DNAH17: variants seen among roughly 807,000 people sequenced by gnomAD.
DNAH17 encodes axonemal beta dynein heavy chain 17.
A neutral mutation model predicts 485.6 loss-of-function variants in DNAH17; 376 were observed. The observed-to-expected ratio is 0.77, with a 90% CI of 0.71 to 0.84. The LOEUF (loss-of-function observed/expected upper bound fraction) is 0.84, where lower values mean the gene tolerates loss of function less well. DNAH17 is among the 40% of genes least tolerant of loss of function. The probability of loss-of-function intolerance (pLI) is 0.00; values close to 1 mark genes in which losing one functional copy is unlikely to be tolerated. For missense variants in DNAH17, 6,370 were observed against 5,839.3 expected (o/e 1.09, Z -2.96); for synonymous variants, 3,031 against 2,405.9 (o/e 1.26, Z -7.60).
At chr17:78,425,162 T>C in intron 80 of DNAH17, 184 bp downstream of exon 80, 1 of 609,566 alleles carries the variant, frequency 1.6e-6, no homozygotes, top group Non-Finnish European at 2.9e-6. Context: ...CCCTGAATCC[T>C]CTCAACCCTC....
chr17:78,525,339 C>T (rs1210985368), intron 24 of DNAH17, among the ~76,000 whole-genome samples, 178 bp from the exon 25 acceptor site: 1 of 152,226 alleles, frequency 6.6e-6, no homozygotes, highest in African/African-American at 2.4e-5. Flanking sequence ...CCCCCAAGGC[C>T]TCCTGGGTCC....
At chr17:78,567,994 C>T (rs919048235) in intron 9 of DNAH17, among the ~76,000 whole-genome samples, 2 of 152,164 alleles carry the variant, frequency 1.3e-5, no homozygotes, top group South Asian at 2.1e-4. Context: ...TGGTGCTATT[C>T]TCCCAGGTCC....
rs746824248 is a variant in DNAH17, at chr17:78,501,890, C to T, written c.5191-17G>A. 62 of 1,613,740 alleles carry T rather than the reference C, an allele frequency of 3.8e-5. No individual in the cohort carries two copies. The highest frequency in any genetic ancestry group is 4.9e-5 in the Non-Finnish European group (58 of 1,179,790). On this transcript the variant is annotated splice_polypyrimidine_tract_variant and intron_variant, in intron 33 of 80. Transcript: ENST00000389840. ...CTGGCTAATCTGCGGGGGAGAGTGCCTTCGATGAGACACCACGGGTGCCCA... is the reference window on the plus strand; with the variant it reads ...CTGGCTAATCTGCGGGGGAGAGTGCTTTCGATGAGACACCACGGGTGCCCA...
chr17:78,494,528 C>A, intron 40 of DNAH17, 65 bp downstream of exon 40: 1 of 1,522,254 alleles, frequency 6.6e-7, no homozygotes, highest in Admixed American at 1.7e-5. Context: ...CGTCCAACAT[C>A]AGTGGGAAGG....
At chr17:78,567,293 T>G in intron 9 of DNAH17, 127 bp from the exon 10 acceptor site, 1 of 919,730 alleles carries the variant, frequency 1.1e-6, no homozygotes, top group Non-Finnish European at 1.6e-6. Flanking sequence ...ACACCAACCA[T>G]GGGGGTGGGA....
intron 75 of DNAH17, among the ~76,000 whole-genome samples, chr17:78,433,136 G>A (rs1013990639): frequency 6.6e-6 from 1 of 152,216 alleles, no homozygotes. Flanking sequence ...AGGACCCAGG[G>A]TTTATAGGGG....
In DNAH17 at chr17:78,500,288, G is replaced by T. The variant is rs574149438; in HGVS notation, c.5640+17C>A. On this transcript the variant is annotated intron_variant, in intron 36 of 80. Transcript: ENST00000389840. ...AAAGAAGACTCTGGGTCCCTCCTCC[G>T]GACCCCGGCCGCGTACCTTGTAGTC... The T allele has an allele frequency of 6.2e-7, 1 of 1,602,492 alleles. No homozygotes were observed.
At position 78,429,254 on chromosome 17, in the gene DNAH17, CCATA is replaced by C; in HGVS notation, c.12268_12271del (p.Tyr4090AlafsTer74). ...GTCCCAGTCATCTGTGATGTGGCCG[CCATA>C]CATGATTTCACCAAAAAGGTAGCGG... On this transcript the variant is annotated frameshift_variant, in exon 76 of 81. Transcript: ENST00000389840. LOFTEE classifies it high-confidence loss of function. The C allele has an allele frequency of 6.2e-7, 1 of 1,613,956 alleles. No individual in the cohort carries two copies. Among genetic ancestry groups the C allele is most frequent in the Non-Finnish European group, 8.5e-7 (1 of 1,179,912 alleles).
chr17:78,464,803 C>A (rs1468101743), intron 56 of DNAH17, among the ~76,000 whole-genome samples: 2 of 152,258 alleles, frequency 1.3e-5, no homozygotes, highest in Non-Finnish European at 2.9e-5. Flanking sequence ...GATTGGAAAC[C>A]ACCCCTCCCT....
chr17:78,426,914 A>AC lies in DNAH17; in HGVS notation c.12771+11dup. On this transcript the variant is annotated intron_variant, in intron 78 of 80. Coordinates refer to ENST00000389840, the MANE Select transcript of DNAH17 (RefSeq NM_173628.4). The stretch of plus-strand genomic sequence containing the variant: ...CAGCCACGTCCCTGGGGCCGGGCTG[A>AC]CCCATGTTTACCTTCAGCCCCAGGT... The AC allele has an allele frequency of 6.3e-7, 1 of 1,594,528 alleles. No homozygotes were observed. The highest frequency in any genetic ancestry group is 8.5e-7 in the Non-Finnish European group (1 of 1,170,390).
intron 25 of DNAH17, among the ~76,000 whole-genome samples, chr17:78,524,363 T>A (rs1289569912): frequency 6.6e-6 from 1 of 152,082 alleles, no homozygotes; most frequent in Non-Finnish European, 1.5e-5. Flanking sequence ...TTCTCAAACT[T>A]CTGACCTCAG....
chr17:78,424,518 A>G (rs562533712), intron 80 of DNAH17: 76 of 257,220 alleles, frequency 3.0e-4, no homozygotes, highest in African/African-American at 1.6e-3. Flanking sequence ...TGTCTGCCCT[A>G]TGTGTACATA....
In DNAH17 at chr17:78,476,609, T is replaced by C. The variant is rs1381259406; in HGVS notation, c.8117A>G (p.His2706Arg). ...CTTGGTGGAGGCCATGGTGACTCTA[T>C]GCAATGTTTCCTGGTCTTTTTCGTC... ...MVDEKDQETL[H>R]RVTMASTKKF... Residue 2706 changes from histidine to arginine, a missense_variant, in exon 52 of 81, where the codon CAT becomes CGT. Physicochemically the swap from His to Arg is conservative, Grantham distance 29 (BLOSUM62 0). Transcript: ENST00000389840. 5 of 1,611,650 alleles carry C rather than the reference T, an allele frequency of 3.1e-6. No individual in the cohort carries two copies. Among genetic ancestry groups the C allele is most frequent in the Admixed American group, 1.7e-5 (1 of 59,620 alleles).
chr17:78,503,580 G>A (rs1214870479), intron 31 of DNAH17, among the ~76,000 whole-genome samples: 1 of 151,890 alleles, frequency 6.6e-6, no homozygotes, highest in Non-Finnish European at 1.5e-5. Flanking sequence ...CTCCACCTGT[G>A]GGCTCAAGCG....
chr17:78,507,716 G>A lies in DNAH17; in HGVS notation c.4326C>T (p.Ser1442=), dbSNP rs369958030. 9 of 1,607,016 alleles carry A rather than the reference G, an allele frequency of 5.6e-6. No individual in the cohort carries two copies. Among genetic ancestry groups the A allele is most frequent in the African/African-American group, 2.7e-5 (2 of 75,032 alleles). ...PRTGTMMLKS[S]EVLVETLEDN... Reference sequence around the variant, plus strand: ...CCTCCAGCGTCTCCACCAGCACCTCGCTGGACTTGAGCATCATGGTGCCTG... The same window carrying A: ...CCTCCAGCGTCTCCACCAGCACCTCACTGGACTTGAGCATCATGGTGCCTG... The change falls in exon 28 of 81, where the codon AGC becomes AGT. Residue 1442 remains serine, a synonymous_variant. Coordinates refer to ENST00000389840, the MANE Select transcript of DNAH17 (RefSeq NM_173628.4).
rs375711976 is a variant in DNAH17 at position 78,468,850 on chromosome 17, C to T, written c.8545G>A (p.Val2849Met). The change falls in exon 55 of 81, where the codon GTG (valine) becomes ATG (methionine). Residue 2849 changes from valine (V) to methionine (M), a missense_variant. By Grantham distance (21) the Val-to-Met change is conservative. Coordinates refer to ENST00000389840, the MANE Select transcript of DNAH17 (RefSeq NM_173628.4). Reference sequence around the variant, plus strand: ...AGGAACACCGAGGGAACGTTCTTCACGGCAGCCTTTATGTACTGAGCAGCG... The same window carrying T: ...AGGAACACCGAGGGAACGTTCTTCATGGCAGCCTTTATGTACTGAGCAGCG... ...DLAAQYIKAA[V>M]KNVPSVFLMT... 3.2e-5 allele frequency: 51 copies of T among 1,613,930 alleles called. No individual in the cohort carries two copies. In the African/African-American group the frequency reaches 3.5e-4, roughly 11 times the overall value.
Position 78,571,662 on chromosome 17 carries a change from C to G in DNAH17, c.660G>C (p.Leu220=). The change falls in exon 4 of 81, where the codon CTG becomes CTC. Residue 220 remains leucine, a synonymous_variant. Transcript: ENST00000389840. ...CGAACTCCACTTGGGGCAGGGGGTG[C>G]AGCCCATCCAGCAGCGCCTGGGCTG... ...KDSAQALLDG[L]HPLPQVEFEF... is the part of the protein sequence containing the mutation. The G allele has an allele frequency of 6.2e-7, 1 of 1,613,988 alleles. No individual in the cohort carries two copies. Among genetic ancestry groups the G allele is most frequent in the South Asian group, 1.1e-5 (1 of 91,076 alleles).
At chr17:78,449,981 G>T in intron 68 of DNAH17, 1 of 517,458 alleles carries the variant, frequency 1.9e-6, no homozygotes, top group South Asian at 2.5e-5. Context: ...AGGCCATCCA[G>T]TTTGTTTTGA....
chr17:78,438,903 C>G lies in DNAH17; in HGVS notation c.11805+187G>C, dbSNP rs2086960220. ...TTTCCTCTGGGCAGTCATGGCGTGC[C>G]ACACCACCCAGCTGACCCCAGCAGA... is the stretch of plus-strand genomic sequence containing the variant. On this transcript the variant is annotated intron_variant, in intron 73 of 80. Transcript: ENST00000389840. 2.0e-5 allele frequency among the ~76,000 whole-genome samples: 3 copies of G among 152,182 alleles called. No homozygotes were observed. In the South Asian group the frequency reaches 6.2e-4, roughly 32 times the overall value.
Sources: allele counts gnomAD v4.1 joint callset (sites outside exome capture counted in the v4.1 genomes callset), GRCh38; gene constraint gnomAD v4.1.1; transcripts MANE v1.5; gene names NCBI Gene and HGNC (gene_info 2026-07-23, HGNC 2026-07-21).